APBA1: variants seen among roughly 807,000 people sequenced by gnomAD.
APBA1 encodes the protein amyloid beta precursor protein binding family A member 1.
In APBA1, 55 loss-of-function variants were observed where a neutral mutation model predicts 86.6. The ratio of observed to expected loss-of-function variants is 0.64; its 90% confidence interval spans 0.51 to 0.80. APBA1 has a LOEUF of 0.80. APBA1 is among the 30% of genes least tolerant of loss of function. APBA1 has a pLI of 0.00. For missense variants in APBA1, 1,090 were observed against 1,183.0 expected (o/e 0.92, Z 1.15); for synonymous variants, 511 against 493.9 (o/e 1.03, Z -0.46).
chr9:69,520,573 A>T (rs572047378), intron 1 of APBA1, among the ~76,000 whole-genome samples: 6 of 152,332 alleles, frequency 3.9e-5, no homozygotes, highest in African/African-American at 1.4e-4. Context: ...GTGATCAGAA[A>T]GATGTGGGGG....
At chr9:69,446,935 T>C (rs1283471060) in intron 10 of APBA1, among the ~76,000 whole-genome samples, 2 of 152,200 alleles carry the variant, frequency 1.3e-5, no homozygotes, top group Non-Finnish European at 2.9e-5. Flanking sequence ...GTTCTTAGTC[T>C]GCCATGACAA....
chr9:69,499,452 G>A (rs1835848102), intron 2 of APBA1, among the ~76,000 whole-genome samples: 1 of 152,044 alleles, frequency 6.6e-6, no homozygotes, highest in African/African-American at 2.4e-5. Context: ...AACTCTGCAA[G>A]GTGTAATCAG....
chr9:69,640,664 T>C (rs949530123), intron 1 of APBA1, among the ~76,000 whole-genome samples: 1 of 152,024 alleles, frequency 6.6e-6, no homozygotes, highest in African/African-American at 2.4e-5. Flanking sequence ...CAAGGCTATA[T>C]AGCTAGTAAA....
chr9:69,471,242 G>T (rs1588304265), intron 4 of APBA1, among the ~76,000 whole-genome samples: 1 of 152,192 alleles, frequency 6.6e-6, no homozygotes, highest in South Asian at 2.1e-4. Context: ...GATGAAAATT[G>T]CTGGGAAGGT....
intron 1 of APBA1, among the ~76,000 whole-genome samples, chr9:69,593,711 C>T (rs1822175894): frequency 6.6e-6 from 1 of 152,210 alleles, no homozygotes; most frequent in African/African-American, 2.4e-5. Flanking sequence ...GAGGTCAATT[C>T]TTTCACATTC....
chr9:69,441,008 G>C lies in APBA1; in HGVS notation c.2289C>G (p.Val763=), dbSNP rs779742945. ...PDLRYQLGFS[V]QNGIICSLMR... Reference sequence around the variant, plus strand: ...GTGTTCTACTTACAATTCCATTCTGGACGCTGAAACCGAGCTGGTAGCGAA... The same window carrying C: ...GTGTTCTACTTACAATTCCATTCTGCACGCTGAAACCGAGCTGGTAGCGAA... Residue 763 remains valine, a synonymous_variant, in exon 11 of 13, where the codon GTC becomes GTG. Transcript: ENST00000265381. 18 of 1,613,706 alleles carry C rather than the reference G, an allele frequency of 1.1e-5. No homozygotes were observed. The South Asian group carries it at 2.0e-4, about 18-fold the overall frequency.
At chr9:69,633,819 C>T (rs1461473732) in intron 1 of APBA1, among the ~76,000 whole-genome samples, 1 of 152,218 alleles carries the variant, frequency 6.6e-6, no homozygotes, top group Non-Finnish European at 1.5e-5. Context: ...ATACTCAATG[C>T]TCCAAGGCTG....
chr9:69,573,577 G>T (rs1215222102), intron 1 of APBA1, among the ~76,000 whole-genome samples: 1 of 152,194 alleles, frequency 6.6e-6, no homozygotes, highest in African/African-American at 2.4e-5. Flanking sequence ...AAAGTGTAGG[G>T]TGTGATATCT....
chr9:69,501,632 ACACACAC>A, intron 2 of APBA1, among the ~76,000 whole-genome samples: 1 of 2,922 alleles, frequency 3.4e-4, no homozygotes, highest in African/African-American at 7.0e-4. Flanking sequence ...TCTACAAAAC[ACACACAC>A]ACACACACAC....
intron 1 of APBA1, among the ~76,000 whole-genome samples, chr9:69,620,655 C>A (rs760357040): frequency 6.6e-6 from 1 of 152,022 alleles, no homozygotes; most frequent in Non-Finnish European, 1.5e-5. Context: ...CCAGCCTGGG[C>A]GACAGAGCGA....
intron 1 of APBA1, among the ~76,000 whole-genome samples, chr9:69,522,882 A>G (rs1046012184): frequency 1.3e-5 from 2 of 151,870 alleles, no homozygotes; most frequent in African/African-American, 4.8e-5. Context: ...CTCTTCCTCT[A>G]CAAAAAAGTT....
intron 11 of APBA1, among the ~76,000 whole-genome samples, chr9:69,440,302 T>C (rs994797129): frequency 1.3e-5 from 2 of 152,218 alleles, no homozygotes; most frequent in Non-Finnish European, 2.9e-5. Flanking sequence ...CACTACTCTC[T>C]TCAAAGCTGT....
At chr9:69,475,304 G>A (rs1835425785) in intron 3 of APBA1, among the ~76,000 whole-genome samples, 1 of 152,198 alleles carries the variant, frequency 6.6e-6, no homozygotes, top group African/African-American at 2.4e-5. Flanking sequence ...GCCACACGTG[G>A]CTATTTAAGT....
chr9:69,428,755 C>G lies in APBA1; in HGVS notation c.*2572G>C, dbSNP rs935035373. On this transcript the variant is annotated 3_prime_UTR_variant, in exon 13 of 13. Coordinates refer to ENST00000265381, the MANE Select transcript of APBA1 (RefSeq NM_001163.4). ...TTTAAGACTGTGGCTGCTGAGGTGA[C>G]CATACCTAGGCTCACTCCCTTGCCC... 13 of 152,332 alleles carry G rather than the reference C, an allele frequency of 8.5e-5. No individual in the cohort carries two copies. Among genetic ancestry groups the G allele is most frequent in the African/African-American group, 2.9e-4 (12 of 41,576 alleles). 9.4% of individuals were successfully genotyped at this position (152,332 alleles called of 1,614,324 possible).
chr9:69,455,012 A>G (rs1428255804), intron 8 of APBA1, among the ~76,000 whole-genome samples: 1 of 152,152 alleles, frequency 6.6e-6, no homozygotes, highest in Non-Finnish European at 1.5e-5. Flanking sequence ...AAAGATGGTG[A>G]CAGTAAGTGT....
intron 1 of APBA1, among the ~76,000 whole-genome samples, chr9:69,533,458 T>C (rs1260072496): frequency 1.3e-5 from 2 of 152,198 alleles, no homozygotes; most frequent in African/African-American, 4.8e-5. Flanking sequence ...AAATTTACCT[T>C]CCTGTCTTGC....
At chr9:69,459,127 T>G (rs1835149848) in intron 5 of APBA1, among the ~76,000 whole-genome samples, 1 of 152,220 alleles carries the variant, frequency 6.6e-6, no homozygotes, top group Non-Finnish European at 1.5e-5. Flanking sequence ...TTCTGCTGAT[T>G]TTGGAATTAA....
intron 1 of APBA1, among the ~76,000 whole-genome samples, chr9:69,553,661 G>A (rs965232786): frequency 6.6e-6 from 1 of 152,154 alleles, no homozygotes; most frequent in Non-Finnish European, 1.5e-5. Flanking sequence ...CACTGTTTTT[G>A]ACAGATTTCC....
chr9:69,555,119 G>A (rs546169918), intron 1 of APBA1, among the ~76,000 whole-genome samples: 3 of 152,230 alleles, frequency 2.0e-5, no homozygotes, highest in South Asian at 2.1e-4. Context: ...GCTTGGAGAC[G>A]GTCCAGGTTT....
Sources: gnomAD v4.1 joint callset for allele counts (sites outside exome capture counted in the v4.1 genomes callset) on GRCh38, gnomAD v4.1.1 for gene constraint, MANE v1.5 for transcripts, NCBI Gene and HGNC (gene_info 2026-07-23, HGNC 2026-07-21) for gene names.